The following SNX29 variants were observed in gnomAD, a reference collection of about 807,000 sequenced individuals.
SNX29 encodes the protein sorting nexin 29, also known as sorting nexin-29.
A neutral mutation model predicts 102.1 loss-of-function variants in SNX29; 78 were observed. The ratio of observed to expected loss-of-function variants is 0.76; its 90% confidence interval spans 0.64 to 0.92. SNX29 has a LOEUF of 0.92. Ranked by LOEUF, SNX29 falls within the 40% of genes least tolerant of loss-of-function variation. The pLI is 0.00. For missense variants in SNX29, 1,280 were observed against 1,061.7 expected (o/e 1.21, Z -2.86); for synonymous variants, 580 against 414.5 (o/e 1.40, Z -4.85).
intron 15 of SNX29, among the ~76,000 whole-genome samples, chr16:12,332,858 A>G (rs973300823): frequency 6.6e-6 from 1 of 150,650 alleles, no homozygotes; most frequent in South Asian, 2.1e-4. Context: ...CTGCTTCGTC[A>G]CTCCATGTGC....
chr16:12,418,999 T>C (rs575090475), intron 18 of SNX29, among the ~76,000 whole-genome samples: 1 of 152,316 alleles, frequency 6.6e-6, no homozygotes, highest in Admixed American at 6.5e-5. Flanking sequence ...GGCTGCTGGC[T>C]TGTAGTGGGC....
At chr16:12,100,278 C>A (rs1312583432) in intron 11 of SNX29, among the ~76,000 whole-genome samples, 6 of 152,170 alleles carry the variant, frequency 3.9e-5, no homozygotes. Flanking sequence ...CTTGGCTGTC[C>A]TGTGCATTGT....
At chr16:12,039,550 A>T (rs1313861098) in intron 4 of SNX29, among the ~76,000 whole-genome samples, 2 of 151,996 alleles carry the variant, frequency 1.3e-5, no homozygotes, top group South Asian at 4.1e-4. Context: ...CTAGCCTGCC[A>T]TGCAGTTTCT....
intron 18 of SNX29, among the ~76,000 whole-genome samples, chr16:12,470,511 A>G (rs2151792967): frequency 6.6e-6 from 1 of 152,268 alleles, no homozygotes; most frequent in African/African-American, 2.4e-5. Flanking sequence ...GCCTGCAGCC[A>G]GCAGAGAGGT....
chr16:12,133,056 G>C (rs761984751), intron 13 of SNX29, among the ~76,000 whole-genome samples: 6 of 152,168 alleles, frequency 3.9e-5, no homozygotes, highest in African/African-American at 1.4e-4. Context: ...CAGGGCAGTG[G>C]AGTGTCGCAG....
At position 12,572,735 on chromosome 16, in the gene SNX29, G is replaced by A. The variant is rs1353865524; in HGVS notation, c.*4106G>A. On this transcript the variant is annotated 3_prime_UTR_variant, in exon 21 of 21. Transcript: ENST00000566228. ...CCTTGGCACAGAACTGATGGCAAAG[G>A]AAGGGCTGGGTTTTCAGCTTCTGGG... 1.4e-5 allele frequency: 15 copies of A among 1,064,102 alleles called. No individual in the cohort carries two copies. Among genetic ancestry groups the A allele is most frequent in the Non-Finnish European group, 1.7e-5 (15 of 878,538 alleles). The allele number at this position is 1,064,102 out of a possible 1,614,324, so 65.9% of individuals were successfully genotyped here. A position where few individuals can be genotyped will look rare whatever the true frequency, so the allele number is the denominator to read the frequency against.
chr16:12,019,577 T>C (rs1413227683), intron 3 of SNX29, among the ~76,000 whole-genome samples: 3 of 144,384 alleles, frequency 2.1e-5, no homozygotes, highest in Non-Finnish European at 4.5e-5. Context: ...TTGTTATATA[T>C]GTAAATATAT....
intron 18 of SNX29, among the ~76,000 whole-genome samples, chr16:12,465,023 A>C (rs1192889421): frequency 6.6e-6 from 1 of 152,160 alleles, no homozygotes; most frequent in East Asian, 1.9e-4. Flanking sequence ...CTTTTCATCT[A>C]CTTGTAGGCT....
chr16:12,491,928 G>A (rs996705716), intron 19 of SNX29, among the ~76,000 whole-genome samples: 57 of 152,172 alleles, frequency 3.7e-4, no homozygotes, highest in African/African-American at 1.1e-3. Context: ...CCAGTCTATC[G>A]TTGTTGGACA....
At chr16:12,311,037 T>G (rs946964961) in intron 15 of SNX29, among the ~76,000 whole-genome samples, 14 of 152,118 alleles carry the variant, frequency 9.2e-5, no homozygotes, top group Non-Finnish European at 1.9e-4. Context: ...TAGTTATAAA[T>G]TATAATAAAA....
chr16:12,217,604 C>A (rs775021404), intron 14 of SNX29, among the ~76,000 whole-genome samples: 1 of 152,108 alleles, frequency 6.6e-6, no homozygotes, highest in African/African-American at 2.4e-5. Flanking sequence ...AGGATTGATC[C>A]TTCTCTTAAT....
At chr16:12,363,535 C>G (rs72771504) in intron 16 of SNX29, among the ~76,000 whole-genome samples, 8,024 of 152,280 alleles carry the variant, frequency 0.053, 318 homozygotes, top group Non-Finnish European at 0.07. Flanking sequence ...CTGTGAGATT[C>G]TGCCAGTGAA....
At chr16:12,373,836 C>G (rs983343738) in intron 16 of SNX29, 1 of 152,206 alleles carries the variant, frequency 6.6e-6, no homozygotes, top group African/African-American at 2.4e-5. Flanking sequence ...GTTTATTTGT[C>G]TCAAGATGGT....
At chr16:12,293,426 A>G (rs2079868972) in intron 15 of SNX29, among the ~76,000 whole-genome samples, 1 of 152,180 alleles carries the variant, frequency 6.6e-6, no homozygotes, top group Non-Finnish European at 1.5e-5. Flanking sequence ...TGCTGTTCAG[A>G]CAGTGTGTTT....
chr16:12,064,597 A>G, intron 9 of SNX29, among the ~76,000 whole-genome samples: 1 of 152,228 alleles, frequency 6.6e-6, no homozygotes, highest in East Asian at 1.9e-4. Context: ...CAGGGGCAGG[A>G]CATGGCATAG....
chr16:12,198,155 T>G (rs921799662), intron 13 of SNX29, among the ~76,000 whole-genome samples: 4 of 152,208 alleles, frequency 2.6e-5, no homozygotes, highest in Non-Finnish European at 5.9e-5. Flanking sequence ...TGGTAGTGAT[T>G]GTCAAAGCAT....
chr16:12,175,651 C>CA (rs367874903), intron 13 of SNX29, among the ~76,000 whole-genome samples: 1,322 of 117,472 alleles, frequency 0.011, 16 homozygotes, highest in African/African-American at 0.016. Flanking sequence ...GACTCCGTCT[C>CA]AAAAAAAAAA....
At chr16:12,459,158 C>T (rs1043126036) in intron 18 of SNX29, among the ~76,000 whole-genome samples, 1 of 145,478 alleles carries the variant, frequency 6.9e-6, no homozygotes, top group African/African-American at 2.6e-5. Context: ...TCTCCACTTC[C>T]CCTCCTCCCC....
chr16:12,564,830 G>T (rs142209160), intron 20 of SNX29, among the ~76,000 whole-genome samples: 1 of 146,254 alleles, frequency 6.8e-6, no homozygotes, highest in Non-Finnish European at 1.5e-5. Context: ...GGTACACAAC[G>T]CTGAAGTCGG....
Sources: allele counts gnomAD v4.1 joint callset (sites outside exome capture counted in the v4.1 genomes callset), GRCh38; gene constraint gnomAD v4.1.1; transcripts MANE v1.5; gene names NCBI Gene and HGNC (gene_info 2026-07-23, HGNC 2026-07-21).